MGAT4C: variants seen among roughly 807,000 people sequenced by gnomAD.
MGAT4C encodes the protein MGAT4 family member C.
In MGAT4C, 19 loss-of-function variants were observed where a neutral mutation model predicts 40.1. The observed-to-expected ratio is 0.47, with a 90% confidence interval of 0.33 to 0.70. MGAT4C has a LOEUF of 0.70. Ranked by LOEUF, MGAT4C falls within the 30% of genes least tolerant of loss-of-function variation. The pLI is 0.02. For synonymous variants in MGAT4C, 181 were observed against 187.1 expected, an observed-to-expected ratio of 0.97 and a Z score of 0.27; for missense variants, 491 against 563.2, an observed-to-expected ratio of 0.87 and a Z score of 1.30.
At chr12:86,287,812 G>A (rs1465809764) in intron 4 of MGAT4C, among the ~76,000 whole-genome samples, 4 of 152,154 alleles carry the variant, frequency 2.6e-5, no homozygotes, top group African/African-American at 9.7e-5. Context: ...GTAATCATAC[G>A]TATGCATGTG....
At chr12:86,175,642 T>C (rs1023866481) in intron 1 of MGAT4C, among the ~76,000 whole-genome samples, 17 of 152,012 alleles carry the variant, frequency 1.1e-4, no homozygotes, top group Admixed American at 6.6e-4. Flanking sequence ...CAAACTTTAA[T>C]AGGTATCAGG....
At chr12:86,053,034 C>T (rs909009051) in intron 1 of MGAT4C, among the ~76,000 whole-genome samples, 4 of 151,860 alleles carry the variant, frequency 2.6e-5, no homozygotes, top group Non-Finnish European at 5.9e-5. Flanking sequence ...ATTGGAGTTG[C>T]AGAGTCAGCC....
chr12:86,083,069 A>G (rs1232055147), intron 1 of MGAT4C, among the ~76,000 whole-genome samples: 1 of 152,110 alleles, frequency 6.6e-6, no homozygotes, highest in African/African-American at 2.4e-5. Flanking sequence ...GTGTCCTTTA[A>G]TGGTGTCATT....
intron 1 of MGAT4C, among the ~76,000 whole-genome samples, chr12:86,768,025 G>T (rs1468211059): frequency 1.3e-5 from 2 of 152,154 alleles, no homozygotes; most frequent in African/African-American, 4.8e-5. Flanking sequence ...AGGGCAATTA[G>T]GCAGGAGAAG....
intron 2 of MGAT4C, among the ~76,000 whole-genome samples, chr12:86,654,842 G>A (rs1963802701): frequency 6.6e-6 from 1 of 151,558 alleles, no homozygotes; most frequent in Non-Finnish European, 1.5e-5. Context: ...GAAAATGCGG[G>A]GGATAAACAG....
At chr12:86,767,716 G>A in intron 1 of MGAT4C, among the ~76,000 whole-genome samples, 1 of 152,074 alleles carries the variant, frequency 6.6e-6, no homozygotes. Flanking sequence ...TTCAATATAT[G>A]AAAATCAATA....
intron 1 of MGAT4C, among the ~76,000 whole-genome samples, chr12:86,146,801 T>C (rs1883575011): frequency 6.6e-6 from 1 of 150,940 alleles, no homozygotes; most frequent in Non-Finnish European, 1.5e-5. Flanking sequence ...TCGACCTTAT[T>C]TGGTACTTGC....
At chr12:86,193,558 G>A (rs1889756387) in intron 1 of MGAT4C, among the ~76,000 whole-genome samples, 1 of 151,944 alleles carries the variant, frequency 6.6e-6, no homozygotes, top group South Asian at 2.1e-4. Flanking sequence ...TGAAGCTGCT[G>A]ACAACAAATT....
chr12:86,465,815 T>C (rs892345327), intron 2 of MGAT4C, among the ~76,000 whole-genome samples: 3 of 151,932 alleles, frequency 2.0e-5, no homozygotes, highest in African/African-American at 7.3e-5. Context: ...TGGAAGAGAG[T>C]TTGGCAATTT....
At chr12:86,770,132 C>G (rs1425773809) in intron 1 of MGAT4C, among the ~76,000 whole-genome samples, 1 of 151,834 alleles carries the variant, frequency 6.6e-6, no homozygotes, top group Non-Finnish European at 1.5e-5. Context: ...AGCCTATATT[C>G]AGAAACAGAG....
intron 2 of MGAT4C, among the ~76,000 whole-genome samples, chr12:86,036,785 A>T (rs1565891275): frequency 6.7e-6 from 1 of 149,474 alleles, no homozygotes; most frequent in Non-Finnish European, 1.5e-5. Context: ...CAGGTTTTGG[A>T]ATTAGGATGA....
intron 2 of MGAT4C, among the ~76,000 whole-genome samples, chr12:86,499,759 CTG>C (rs1332223294): frequency 6.6e-6 from 1 of 151,880 alleles, no homozygotes; most frequent in African/African-American, 2.4e-5. Flanking sequence ...CTGAATTTGA[CTG>C]TGACACAGTA....
chr12:86,322,708 C>T (rs1592695990), intron 4 of MGAT4C, among the ~76,000 whole-genome samples: 2 of 152,070 alleles, frequency 1.3e-5, no homozygotes, highest in Middle Eastern at 6.8e-3. Context: ...GACTTGCAAA[C>T]AGAATATTTT....
chr12:86,420,258 C>T (rs1230068924), intron 3 of MGAT4C, among the ~76,000 whole-genome samples: 8 of 151,846 alleles, frequency 5.3e-5, no homozygotes, highest in Non-Finnish European at 1.0e-4. Context: ...GGCATGTGCC[C>T]GCAGTCCCAG....
chr12:86,322,098 T>C (rs111232154), intron 4 of MGAT4C, among the ~76,000 whole-genome samples: 10,128 of 151,608 alleles, frequency 0.067, 818 homozygotes, highest in East Asian at 0.24. Context: ...ATGGAAACCA[T>C]CATTCTGAGC....
At chr12:86,484,033 A>C (rs1182440134) in intron 2 of MGAT4C, among the ~76,000 whole-genome samples, 2 of 151,988 alleles carry the variant, frequency 1.3e-5, no homozygotes, top group African/African-American at 2.4e-5. Flanking sequence ...TTTCCAGTCC[A>C]GATCAGCTTC....
At chr12:86,138,642 CAT>C (rs1275520866) in intron 1 of MGAT4C, among the ~76,000 whole-genome samples, 1 of 144,066 alleles carries the variant, frequency 6.9e-6, no homozygotes, top group African/African-American at 2.6e-5. Flanking sequence ...ATAGATATAT[CAT>C]ATATATATTT....
intron 1 of MGAT4C, among the ~76,000 whole-genome samples, chr12:86,835,502 G>A (rs1953019704): frequency 6.6e-6 from 1 of 151,458 alleles, no homozygotes; most frequent in Middle Eastern, 3.2e-3. Flanking sequence ...GATAATCCAC[G>A]TAGCAAAATA....
At chr12:86,592,292 G>T (rs1961358825) in intron 2 of MGAT4C, among the ~76,000 whole-genome samples, 1 of 151,962 alleles carries the variant, frequency 6.6e-6, no homozygotes, top group Non-Finnish European at 1.5e-5. Context: ...TAGAAGACAT[G>T]AATTTCTTTC....
Sources: allele counts gnomAD v4.1 joint callset (sites outside exome capture counted in the v4.1 genomes callset), GRCh38; gene constraint gnomAD v4.1.1; transcripts MANE v1.5; gene names NCBI Gene and HGNC (gene_info 2026-07-23, HGNC 2026-07-21).